NUMA1: variants seen among roughly 807,000 people sequenced by gnomAD.
The protein encoded by NUMA1 is SP-H antigen.
In NUMA1, 62 loss-of-function variants were observed where a neutral mutation model predicts 237.1. The observed-to-expected ratio is 0.26, with a 90% CI of 0.21 to 0.32. The LOEUF (loss-of-function observed/expected upper bound fraction) is 0.32, where lower values mean the gene tolerates loss of function less well. Among genes scored for constraint, NUMA1 ranks in the 10% least tolerant of loss-of-function variants. The probability of loss-of-function intolerance (pLI) is 1.00; values close to 1 mark genes in which losing one functional copy is unlikely to be tolerated. For synonymous variants in NUMA1, 1,028 were observed against 1,066.1 expected (o/e 0.96, Z 0.70); for missense variants, 2,533 against 2,666.5 (o/e 0.95, Z 1.10).
intron 1 of NUMA1, among the ~76,000 whole-genome samples, chr11:72,077,914 GATGT>G (rs1193002441): frequency 1.3e-5 from 2 of 151,970 alleles, no homozygotes; most frequent in Non-Finnish European, 2.9e-5. Flanking sequence ...ACATCTGAAG[GATGT>G]ATGTATCTAT....
intron 2 of NUMA1, among the ~76,000 whole-genome samples, chr11:72,061,758 G>T (rs974545079): frequency 1.3e-5 from 2 of 151,990 alleles, no homozygotes; most frequent in African/African-American, 4.8e-5. Flanking sequence ...AAAGTGCTGG[G>T]ATTATAGGCA....
At position 72,014,368 on chromosome 11, in the gene NUMA1, G is replaced by A. The variant is rs540713418; in HGVS notation, c.3135C>T (p.Phe1045=). ...GAGCCAGTGCCTCTTGCAGGGTAGC[G>A]AACTCCACACGCTGCTCGTTGAGGG... ...QNALNEQRVE[F]ATLQEALAHA... Residue 1045 remains phenylalanine (F), a synonymous_variant, in exon 15 of 27, where the codon TTC becomes TTT. Coordinates refer to ENST00000393695, the MANE Select transcript of NUMA1 (RefSeq NM_006185.4). The surrounding 1 kb of genome is among the most constrained non-coding windows in gnomAD (Gnocchi z 4.6). The A allele has an allele frequency of 3.0e-5, 48 of 1,613,172 alleles. No homozygotes were observed. The South Asian group carries it at 3.6e-4, about 12-fold the overall frequency.
At chr11:72,038,418 A>C (rs966058579) in intron 2 of NUMA1, among the ~76,000 whole-genome samples, 4 of 152,334 alleles carry the variant, frequency 2.6e-5, no homozygotes, top group Middle Eastern at 3.4e-3. Context: ...GAACTCCTGA[A>C]GGACCTTGTC....
intron 12 of NUMA1, 114 bp downstream of exon 12, chr11:72,018,068 AG>A: frequency 1.0e-6 from 1 of 970,332 alleles, no homozygotes; most frequent in Non-Finnish European, 1.7e-6. Flanking sequence ...AGGTCTCTGG[AG>A]AGACTGAAGC....
chr11:72,024,176 T>G (rs1939260104), intron 5 of NUMA1, 98 bp downstream of exon 5: 1 of 1,048,328 alleles, frequency 9.5e-7, no homozygotes, highest in African/African-American at 1.6e-5. Context: ...CCTTGAAATT[T>G]TTCTCCTCCA....
rs1955394122 is a variant in NUMA1 at position 72,003,394 on chromosome 11, C to G, written c.*133G>C. 3 of 878,196 alleles carry G rather than the reference C, an allele frequency of 3.4e-6. No homozygotes were observed. Among genetic ancestry groups the G allele is most frequent in the Admixed American group, 3.6e-5 (2 of 55,346 alleles). 54.4% of individuals were successfully genotyped at this position (878,196 alleles called of 1,614,324 possible). ...GGGACCAGGCCAGGGTGCGGGCAGGCATCACTGTCTCTAGGGGTTTGGCTA... is the reference window on the plus strand; with the variant it reads ...GGGACCAGGCCAGGGTGCGGGCAGGGATCACTGTCTCTAGGGGTTTGGCTA... On this transcript the variant is annotated 3_prime_UTR_variant, in exon 27 of 27. Transcript: ENST00000393695.
intron 2 of NUMA1, among the ~76,000 whole-genome samples, chr11:72,052,849 C>T (rs1942444319): frequency 6.6e-6 from 1 of 151,674 alleles, no homozygotes; most frequent in African/African-American, 2.4e-5. Flanking sequence ...GATGAGAAGA[C>T]AATCAAGGTT....
At chr11:72,022,221 A>G in intron 7 of NUMA1, 118 bp downstream of exon 7, 1 of 597,322 alleles carries the variant, frequency 1.7e-6, no homozygotes, top group Non-Finnish European at 2.9e-6. Context: ...ATGAATGGCA[A>G]TAATTGCTAT....
chr11:72,027,819 G>A (rs536333319), intron 4 of NUMA1, among the ~76,000 whole-genome samples: 1 of 152,180 alleles, frequency 6.6e-6, no homozygotes, highest in African/African-American at 2.4e-5. Flanking sequence ...GGCCATGAGG[G>A]CCTAGTATCC....
chr11:72,044,603 G>GGC, intron 2 of NUMA1, among the ~76,000 whole-genome samples: 1 of 1,994 alleles, frequency 5.0e-4, no homozygotes, highest in East Asian at 5.4e-3. Flanking sequence ...GGGTTACTTT[G>GGC]GGGGGGGGGA....
At chr11:72,020,125 T>C (rs1217548881) in intron 8 of NUMA1, among the ~76,000 whole-genome samples, 1 of 152,226 alleles carries the variant, frequency 6.6e-6, no homozygotes, top group Non-Finnish European at 1.5e-5. Context: ...CTACCTCTAA[T>C]CACCCATTCT....
At chr11:72,044,258 C>T (rs1190105360) in intron 2 of NUMA1, among the ~76,000 whole-genome samples, 1 of 152,166 alleles carries the variant, frequency 6.6e-6, no homozygotes, top group Non-Finnish European at 1.5e-5. Context: ...AGAATAAAGA[C>T]ACCTGTTATA....
At position 72,013,041 on chromosome 11, in the gene NUMA1, C is replaced by T; in HGVS notation, c.4462G>A (p.Glu1488Lys). The T allele has an allele frequency of 1.2e-6, 2 of 1,614,210 alleles. No individual in the cohort carries two copies. The highest frequency in any genetic ancestry group is 1.6e-4 in the Middle Eastern group (1 of 6,062). The change falls in exon 15 of 27, where the codon GAG becomes AAG. Residue 1488 changes from glutamate (E) to lysine (K), a missense_variant. Glu to Lys is a moderately conservative substitution (Grantham distance 56). Coordinates refer to ENST00000393695, the MANE Select transcript of NUMA1 (RefSeq NM_006185.4). This position sits in a 1 kb window ranked among gnomAD's most constrained non-coding sequence, Gnocchi z 6.8. ...QELAAVRADA[E>K]TRLAEVQREA... ...CGCTGCACCTCAGCCAGACGGGTCT[C>T]AGCATCAGCACGTACGGCTGCCAAC...
At chr11:72,043,497 G>A (rs2135911177) in intron 2 of NUMA1, among the ~76,000 whole-genome samples, 1 of 149,624 alleles carries the variant, frequency 6.7e-6, no homozygotes, top group Non-Finnish European at 1.5e-5. Context: ...CAAGCAGTGG[G>A]AGTACAGGTG....
intron 2 of NUMA1, chr11:72,041,176 A>G (rs1415922636): frequency 6.6e-6 from 1 of 151,966 alleles, no homozygotes; most frequent in Admixed American, 6.6e-5. Context: ...AGGCACAGCA[A>G]GCTTCCCCGA....
At chr11:72,003,789 C>G in intron 26 of NUMA1, 98 bp downstream of exon 26, 1 of 1,297,900 alleles carries the variant, frequency 7.7e-7, no homozygotes, top group South Asian at 1.2e-5. Context: ...CTCCAGCAGC[C>G]TGGCGTGGCC....
Position 72,014,482 on chromosome 11 carries a change from C to T in NUMA1, c.3021G>A (p.Ala1007=), listed in dbSNP as rs752250707. ...EERGQQEREV[A]RLTQERGRAQ... ...CACGGCCCCGCTCCTGGGTCAGCCG[C>T]GCCACCTCCCTTTCCTGCTGCCCAC... Residue 1007 remains alanine, a synonymous_variant, in exon 15 of 27, where the codon GCG becomes GCA. Coordinates refer to ENST00000393695, the MANE Select transcript of NUMA1 (RefSeq NM_006185.4). This position sits in a 1 kb window ranked among gnomAD's most constrained non-coding sequence, Gnocchi z 4.6. The T allele has an allele frequency of 1.6e-5, 26 of 1,602,292 alleles. No homozygotes were observed. The highest frequency in any genetic ancestry group is 6.7e-5 in the Admixed American group (4 of 59,990).
Position 72,016,118 on chromosome 11 carries a change from T to C in NUMA1, c.1385A>G (p.Gln462Arg). Residue 462 changes from glutamine to arginine, a missense_variant, in exon 15 of 27, where the codon CAG (glutamine) becomes CGG (arginine). Physicochemically the swap from Gln to Arg is conservative, Grantham distance 43. Coordinates refer to ENST00000393695, the MANE Select transcript of NUMA1 (RefSeq NM_006185.4). ...AERGHFEEEK[Q>R]QLSSLITDLQ... ...GTCAGTGATCAGGCTAGACAGCTGC[T>C]GCTTTTCTTCTTCGAAGTGGCCCCG... 6.2e-7 allele frequency: 1 copy of C among 1,614,186 alleles called. No individual in the cohort carries two copies. Among genetic ancestry groups the C allele is most frequent in the Non-Finnish European group, 8.5e-7 (1 of 1,180,032 alleles).
In NUMA1 at chr11:72,003,139, G is replaced by T; in HGVS notation, c.*388C>A. The T allele has an allele frequency of 3.5e-6, 1 of 287,394 alleles. No homozygotes were observed. Among genetic ancestry groups the T allele is most frequent in the Non-Finnish European group, 6.6e-6 (1 of 150,656 alleles). 17.8% of individuals were successfully genotyped at this position (287,394 alleles called of 1,614,324 possible). A position where few individuals can be genotyped will look rare whatever the true frequency, so the allele number is the denominator to read the frequency against. On this transcript the variant is annotated 3_prime_UTR_variant, in exon 27 of 27. Coordinates refer to ENST00000393695, the MANE Select transcript of NUMA1 (RefSeq NM_006185.4). ...GGGCCCCTGCTGGGCCCAGCCACCA[G>T]GACAGCAGGAACCAGGGCCTACTCC...
Sources: gnomAD v4.1 joint callset for allele counts (sites outside exome capture counted in the v4.1 genomes callset) on GRCh38, gnomAD v4.1.1 for gene constraint, Gnocchi (gnomAD v3.1) non-coding constraint, MANE v1.5 for transcripts, NCBI Gene and HGNC (gene_info 2026-07-23, HGNC 2026-07-21) for gene names.